The following LRRC7 variants were observed in gnomAD, a reference collection of about 807,000 sequenced individuals.
The protein encoded by LRRC7 is leucine-rich repeat-containing protein 7.
LRRC7 carries 23 observed loss-of-function variants against 175.7 expected under a neutral mutation model. That is an observed-to-expected ratio of 0.13 (90% CI 0.09 to 0.19). The LOEUF (loss-of-function observed/expected upper bound fraction) is 0.19. Among genes scored for constraint, LRRC7 ranks in the 10% least tolerant of loss-of-function variants. LRRC7 has a pLI of 1.00. For synonymous variants in LRRC7, 685 were observed against 680.9 expected (o/e 1.01, Z -0.09); for missense variants, 1,354 against 1,904.7 (o/e 0.71, Z 5.38).
intron 8 of LRRC7, among the ~76,000 whole-genome samples, chr1:69,954,064 C>A (rs1650235518): frequency 6.6e-6 from 1 of 151,974 alleles, no homozygotes; most frequent in Non-Finnish European, 1.5e-5. Context: ...ATAGTAGTTT[C>A]TCAAACACTG....
intron 1 of LRRC7, among the ~76,000 whole-genome samples, chr1:69,630,030 T>TC (rs1195318660): frequency 1.3e-5 from 2 of 152,140 alleles, no homozygotes; most frequent in African/African-American, 4.8e-5. Context: ...CCTCTTTTTT[T>TC]CCCTCCAGTG....
At position 69,783,640 on chromosome 1, in the gene LRRC7, T is replaced by A. The variant is rs550619267; in HGVS notation, c.304-8403T>A. On this transcript the variant is annotated intron_variant, in intron 3 of 26. Transcript: ENST00000651989. ...GGTGGCGAGCGTCTATAATCCCAGC[T>A]ACCCAGGAGGCTGAGGCTGGAGAAT... 1.0e-4 allele frequency among the ~76,000 whole-genome samples: 15 copies of A among 150,110 alleles called. No homozygotes were observed. In the Admixed American group the frequency reaches 1.0e-3, roughly 10 times the overall value.
At chr1:69,672,213 A>C (rs183982904) in intron 1 of LRRC7, among the ~76,000 whole-genome samples, 3 of 152,138 alleles carry the variant, frequency 2.0e-5, no homozygotes, top group African/African-American at 4.8e-5. Flanking sequence ...GGTGGAGCCT[A>C]TTTGGCCATC....
At chr1:69,611,348 A>T (rs1168408571) in intron 1 of LRRC7, among the ~76,000 whole-genome samples, 1 of 152,026 alleles carries the variant, frequency 6.6e-6, no homozygotes, top group Non-Finnish European at 1.5e-5. Flanking sequence ...TATGTGAGAT[A>T]GTATAGGTCA....
At position 70,020,996 on chromosome 1, in the gene LRRC7, T is replaced by A; in HGVS notation, c.1421-9T>A. Reference sequence around the variant, plus strand: ...AAAAAAACAATAATACTTTGGAATCTAACTGTAGATTTCCAGTCAGACAGT... The same window carrying A: ...AAAAAAACAATAATACTTTGGAATCAAACTGTAGATTTCCAGTCAGACAGT... On this transcript the variant is annotated splice_polypyrimidine_tract_variant and intron_variant, in intron 15 of 26. Coordinates refer to ENST00000651989, the MANE Select transcript of LRRC7 (RefSeq NM_001370785.2). 6.3e-7 allele frequency: 1 copy of A among 1,598,022 alleles called. No individual in the cohort carries two copies. The highest frequency in any genetic ancestry group is 8.5e-7 in the Non-Finnish European group (1 of 1,173,688).
At chr1:70,009,652 A>G (rs1002313366) in intron 11 of LRRC7, among the ~76,000 whole-genome samples, 2 of 152,206 alleles carry the variant, frequency 1.3e-5, no homozygotes, top group African/African-American at 4.8e-5. Context: ...TAGTATCCTC[A>G]TTGTAAATAT....
chr1:69,620,162 G>A (rs927379435), intron 1 of LRRC7, among the ~76,000 whole-genome samples: 2 of 152,026 alleles, frequency 1.3e-5, no homozygotes. Context: ...AAAGAAATTT[G>A]CAACATTCTT....
intron 7 of LRRC7, among the ~76,000 whole-genome samples, chr1:69,882,482 T>A (rs1484766150): frequency 1.3e-5 from 2 of 152,120 alleles, no homozygotes; most frequent in African/African-American, 4.8e-5. Flanking sequence ...GATGAATGGA[T>A]AAAGAAATTG....
intron 19 of LRRC7, 52 bp downstream of exon 19, chr1:70,036,284 T>C (rs746995750): frequency 6.7e-7 from 1 of 1,488,494 alleles, no homozygotes; most frequent in Non-Finnish European, 9.3e-7. Flanking sequence ...ATGTGCATGA[T>C]GAATCGCCAG....
chr1:69,623,772 A>T (rs1651039200), intron 1 of LRRC7, among the ~76,000 whole-genome samples: 1 of 151,664 alleles, frequency 6.6e-6, no homozygotes, highest in East Asian at 1.9e-4. Flanking sequence ...CTAGTCTTGA[A>T]CTCCTGACCT....
At chr1:69,698,140 G>A (rs1013380280) in intron 2 of LRRC7, among the ~76,000 whole-genome samples, 9 of 152,202 alleles carry the variant, frequency 5.9e-5, no homozygotes, top group Non-Finnish European at 1.2e-4. Context: ...CAATACTCCA[G>A]TGGCATTTAT....
chr1:69,628,279 A>G (rs1181843183), intron 1 of LRRC7, among the ~76,000 whole-genome samples: 1 of 152,192 alleles, frequency 6.6e-6, no homozygotes, highest in Non-Finnish European at 1.5e-5. Flanking sequence ...TGCTTATACC[A>G]AAGTCATAGG....
At chr1:70,051,648 C>A (rs1012316200) in intron 22 of LRRC7, among the ~76,000 whole-genome samples, 6 of 151,334 alleles carry the variant, frequency 4.0e-5, no homozygotes, top group Non-Finnish European at 7.4e-5. Context: ...AATTCAGTAC[C>A]TTTTTTCTCT....
intron 4 of LRRC7, among the ~76,000 whole-genome samples, chr1:69,801,823 AT>A (rs946976763): frequency 1.6e-3 from 163 of 100,598 alleles, no homozygotes; most frequent in Admixed American, 2.6e-3. Flanking sequence ...TGACCTTTCT[AT>A]TTTTTTTTTT....
At chr1:69,997,992 G>A (rs2101921089) in intron 11 of LRRC7, among the ~76,000 whole-genome samples, 1 of 152,220 alleles carries the variant, frequency 6.6e-6, no homozygotes. Context: ...GTTCCTCCTT[G>A]TACCTCTGGT....
At chr1:69,994,773 T>A (rs1396480799) in intron 11 of LRRC7, 140 bp downstream of exon 11, 1 of 512,954 alleles carries the variant, frequency 1.9e-6, no homozygotes, top group Non-Finnish European at 3.4e-6. Context: ...AACCATATTT[T>A]ATTTATATAT....
chr1:70,009,445 A>G (rs1656295213), intron 11 of LRRC7, among the ~76,000 whole-genome samples: 1 of 151,462 alleles, frequency 6.6e-6, no homozygotes. Context: ...ACACAGAGTA[A>G]CACAGTTATG....
At chr1:69,649,713 A>T (rs936740461) in intron 1 of LRRC7, among the ~76,000 whole-genome samples, 20 of 152,076 alleles carry the variant, frequency 1.3e-4, no homozygotes, top group Non-Finnish European at 2.6e-4. Context: ...ATGCAAAAGT[A>T]TATGGTTTGG....
chr1:69,913,564 T>G (rs1382294115), intron 7 of LRRC7, among the ~76,000 whole-genome samples: 1 of 152,076 alleles, frequency 6.6e-6, no homozygotes, highest in Non-Finnish European at 1.5e-5. Context: ...CAGGCTGGAG[T>G]GCAATGGTGC....
Sources: gnomAD v4.1 joint callset for allele counts (sites outside exome capture counted in the v4.1 genomes callset) on GRCh38, gnomAD v4.1.1 for gene constraint, MANE v1.5 for transcripts, NCBI Gene and HGNC (gene_info 2026-07-23, HGNC 2026-07-21) for gene names.